The following HPSE2 variants were observed in gnomAD, a reference collection of about 807,000 sequenced individuals.
HPSE2 encodes the protein inactive heparanase-2.
In HPSE2, 38 loss-of-function variants were observed where a neutral mutation model predicts 60.5. The observed-to-expected ratio is 0.63, with a 90% CI of 0.48 to 0.82. The LOEUF is 0.82. HPSE2 is among the 40% of genes least tolerant of loss of function. The pLI is 0.00. For missense variants in HPSE2, 713 were observed against 740.4 expected (o/e 0.96, Z 0.43); for synonymous variants, 295 against 293.2 (o/e 1.01, Z -0.06).
chr10:98,744,202 T>C (rs1949570339), intron 3 of HPSE2, 146 bp from the exon 4 acceptor site: 7 of 793,800 alleles, frequency 8.8e-6, no homozygotes, highest in South Asian at 3.0e-5. Flanking sequence ...TATTACCTTT[T>C]GGTCTGGGTA....
chr10:99,156,080 A>G (rs1846542362), intron 2 of HPSE2, among the ~76,000 whole-genome samples: 1 of 148,092 alleles, frequency 6.8e-6, no homozygotes, highest in African/African-American at 2.5e-5. Context: ...TAGACCAATA[A>G]CAGGATCTGA....
At chr10:99,222,244 C>CAA (rs1849339185) in intron 2 of HPSE2, among the ~76,000 whole-genome samples, 1 of 152,100 alleles carries the variant, frequency 6.6e-6, no homozygotes, top group Non-Finnish European at 1.5e-5. Context: ...GCCCTGGATT[C>CAA]AACCACAGCT....
At chr10:99,276,390 G>A in the HPSE2 span, among the ~76,000 whole-genome samples, 1 of 152,142 alleles carries the variant, frequency 6.6e-6, no homozygotes, top group African/African-American at 2.4e-5. Context: ...GGGTGTTTGT[G>A]TGGCATGGTT....
At chr10:99,172,828 A>G (rs1051074110) in intron 2 of HPSE2, among the ~76,000 whole-genome samples, 9 of 152,162 alleles carry the variant, frequency 5.9e-5, no homozygotes, top group African/African-American at 1.4e-4. Context: ...CAGTGAGCCA[A>G]GATTGCGCCA....
intron 3 of HPSE2, among the ~76,000 whole-genome samples, chr10:99,043,494 A>C (rs1198153758): frequency 6.6e-6 from 1 of 152,114 alleles, no homozygotes; most frequent in East Asian, 1.9e-4. Context: ...CCATCTCATA[A>C]AAACAAACAA....
At chr10:98,694,032 T>C (rs1565085290) in intron 5 of HPSE2, 85 bp from the exon 6 acceptor site, 1 of 1,069,218 alleles carries the variant, frequency 9.4e-7, no homozygotes, top group Non-Finnish European at 1.5e-6. Flanking sequence ...TGAGACAGAT[T>C]AGACCAATCC....
At chr10:99,240,415 T>TC (rs1460457563), upstream of HPSE2, among the ~76,000 whole-genome samples, 1 of 149,800 alleles carries the variant, frequency 6.7e-6, no homozygotes, top group Non-Finnish European at 1.5e-5. Context: ...TTTTCTTTTT[T>TC]TTTTTTTTTT....
intron 10 of HPSE2, among the ~76,000 whole-genome samples, chr10:98,489,479 T>C (rs560253844): frequency 1.3e-5 from 2 of 152,360 alleles, no homozygotes; most frequent in South Asian, 4.1e-4. Flanking sequence ...CTTAGCCTCT[T>C]AATTTTTAAA....
Position 98,642,038 on chromosome 10 carries a change from C to A in HPSE2, c.1005-98G>T. 3 of 1,015,512 alleles carry A rather than the reference C, an allele frequency of 3.0e-6. No individual in the cohort carries two copies. In the South Asian group the frequency reaches 3.8e-5, roughly 13 times the overall value. 62.9% of individuals were successfully genotyped at this position (1,015,512 alleles called of 1,614,324 possible). A position where few individuals can be genotyped will look rare whatever the true frequency, so the allele number is the denominator to read the frequency against. ...GGTCTCTGTTGCCCGAGGAAACAAA[C>A]CAGGGTTCCACTCGGGCTCTCATAT... On this transcript the variant is annotated intron_variant, in intron 6 of 11. Transcript: ENST00000370552.
At chr10:98,849,823 C>A (rs1447394335) in intron 3 of HPSE2, among the ~76,000 whole-genome samples, 1 of 152,118 alleles carries the variant, frequency 6.6e-6, no homozygotes, top group Non-Finnish European at 1.5e-5. Flanking sequence ...CGGCTCACTG[C>A]AACCTCCGCC....
At chr10:98,838,832 C>A (rs1189218126) in intron 3 of HPSE2, among the ~76,000 whole-genome samples, 2 of 152,136 alleles carry the variant, frequency 1.3e-5, no homozygotes, top group African/African-American at 4.8e-5. Context: ...CTTATCCATG[C>A]TACTGGCCTC....
intron 3 of HPSE2, among the ~76,000 whole-genome samples, chr10:98,792,187 C>T (rs567397078): frequency 1.3e-5 from 2 of 151,818 alleles, no homozygotes; most frequent in African/African-American, 4.8e-5. Context: ...TACAAACAGT[C>T]TCACCACACA....
rs1034341368 is a variant in HPSE2, at chr10:99,156,636, C to T, written c.449-12237G>A. ...AGAGCTATCTATGACAAACCCACAG[C>T]GAATATCATACTGAATGGGCAAAAA... On this transcript the variant is annotated intron_variant, in intron 2 of 11. Transcript: ENST00000370552. 2.0e-4 allele frequency among the ~76,000 whole-genome samples: 22 copies of T among 107,788 alleles called. 3 individuals are homozygous for T. The highest frequency in any genetic ancestry group is 1.6e-3 in the Admixed American group (17 of 10,738). 70.7% of individuals were successfully genotyped at this position (107,788 alleles called of 152,430 possible).
intron 3 of HPSE2, among the ~76,000 whole-genome samples, chr10:98,821,370 A>C (rs1951419076): frequency 6.6e-6 from 1 of 152,232 alleles, no homozygotes; most frequent in Admixed American, 6.5e-5. Flanking sequence ...TAAATACTGT[A>C]GGTAATTATA....
the HPSE2 span, among the ~76,000 whole-genome samples, chr10:99,282,363 C>A: frequency 6.6e-6 from 1 of 151,970 alleles, no homozygotes; most frequent in African/African-American, 2.4e-5. Flanking sequence ...CACAAAGTCC[C>A]AAAACAAATA....
the HPSE2 span, among the ~76,000 whole-genome samples, chr10:99,310,504 A>C: frequency 6.6e-6 from 1 of 152,236 alleles, no homozygotes; most frequent in Non-Finnish European, 1.5e-5. Flanking sequence ...GTTAGAAAGG[A>C]TATACAGTGA....
chr10:98,576,632 C>A (rs1944647869), intron 9 of HPSE2, among the ~76,000 whole-genome samples: 1 of 152,000 alleles, frequency 6.6e-6, no homozygotes, highest in South Asian at 2.1e-4. Context: ...CCCTGTGTTT[C>A]ACAGAGGGCC....
At chr10:98,479,807 T>C (rs1393984239) in intron 11 of HPSE2, among the ~76,000 whole-genome samples, 2 of 152,228 alleles carry the variant, frequency 1.3e-5, no homozygotes, top group Non-Finnish European at 1.5e-5. Flanking sequence ...TGTGTATCTG[T>C]ATTTATATTT....
At chr10:99,091,678 C>A (rs1485972170) in intron 3 of HPSE2, among the ~76,000 whole-genome samples, 1 of 152,134 alleles carries the variant, frequency 6.6e-6, no homozygotes, top group Non-Finnish European at 1.5e-5. Context: ...TTTTTGATAG[C>A]TATGCTAGCA....
Sources: allele counts gnomAD v4.1 joint callset (sites outside exome capture counted in the v4.1 genomes callset), GRCh38; gene constraint gnomAD v4.1.1; transcripts MANE v1.5; gene names NCBI Gene and HGNC (gene_info 2026-07-23, HGNC 2026-07-21).